Variants in SLC60A2 observed in about 807,000 individuals in gnomAD.
SLC60A2 encodes the protein major facilitator superfamily domain containing 4B.
chr6:111,262,433 A>C, the SLC60A2 span: 1 of 1,607,422 alleles, frequency 6.2e-7, no homozygotes, highest in Non-Finnish European at 8.5e-7. Context: ...TGGGTAAGTA[A>C]ATGCTAATTT....
At chr6:111,271,342 A>G in the SLC60A2 span, among the ~76,000 whole-genome samples, 15 of 152,158 alleles carry the variant, frequency 9.9e-5, no homozygotes, top group Admixed American at 8.5e-4. Flanking sequence ...ACTTTTTATT[A>G]TAAAAACAAT....
the SLC60A2 span, chr6:111,268,113 C>CCCT: frequency 6.6e-6 from 1 of 152,160 alleles, no homozygotes; most frequent in African/African-American, 2.4e-5. Flanking sequence ...GAAATTAGTA[C>CCCT]AAGTGACAGC....
chr6:111,265,865 T>A, the SLC60A2 span: 1 of 1,566,490 alleles, frequency 6.4e-7, no homozygotes, highest in East Asian at 2.3e-5. Flanking sequence ...TTTCCCATCT[T>A]TCATCGACAG....
chr6:111,265,877 T>G, the SLC60A2 span: 1 of 1,590,286 alleles, frequency 6.3e-7, no homozygotes. Context: ...CATCGACAGG[T>G]GGTAACGTCC....
the SLC60A2 span, chr6:111,266,939 G>T: frequency 6.8e-6 from 11 of 1,614,012 alleles, no homozygotes; most frequent in Admixed American, 1.8e-4. Flanking sequence ...TGATTGAAAC[G>T]AATGATACAA....
the SLC60A2 span, chr6:111,270,222 A>AAC: frequency 2.0e-5 from 3 of 152,166 alleles, no homozygotes; most frequent in African/African-American, 7.2e-5. Context: ...TTATGGGAAT[A>AAC]ACATCCCATC....
the SLC60A2 span, among the ~76,000 whole-genome samples, chr6:111,260,453 A>G: frequency 6.6e-6 from 1 of 152,252 alleles, no homozygotes; most frequent in Non-Finnish European, 1.5e-5. Flanking sequence ...GTTAAGTGAT[A>G]GAGCCAGAAA....
At chr6:111,278,159 G>C in the SLC60A2 span, 3 of 152,178 alleles carry the variant, frequency 2.0e-5, no homozygotes, top group African/African-American at 7.2e-5. Context: ...AATAAAAAAC[G>C]TAAGTATTTG....
At chr6:111,259,469 C>T in the SLC60A2 span, 2 of 469,032 alleles carry the variant, frequency 4.3e-6, no homozygotes, top group Admixed American at 4.1e-5. Context: ...GGCCAGTGCT[C>T]TTCTCGGAGC....
the SLC60A2 span, chr6:111,268,415 T>C: frequency 6.6e-6 from 1 of 152,246 alleles, no homozygotes; most frequent in Admixed American, 6.5e-5. Flanking sequence ...TATAAAATAA[T>C]GTGTTTTACA....
At chr6:111,273,066 G>A in the SLC60A2 span, among the ~76,000 whole-genome samples, 1 of 152,180 alleles carries the variant, frequency 6.6e-6, no homozygotes, top group African/African-American at 2.4e-5. Flanking sequence ...CCCGACCTCA[G>A]GTGATCCACT....
the SLC60A2 span, among the ~76,000 whole-genome samples, chr6:111,261,598 AATTT>A: frequency 2.2e-3 from 329 of 152,070 alleles, 1 homozygote; most frequent in African/African-American, 7.5e-3. Context: ...TTAATTAATT[AATTT>A]ATTCTTTCTG....
the SLC60A2 span, chr6:111,265,908 G>A: frequency 3.1e-6 from 5 of 1,613,018 alleles, no homozygotes; most frequent in Non-Finnish European, 3.4e-6. Context: ...TATTTGGGGG[G>A]ACAAAGGAGC....
the SLC60A2 span, among the ~76,000 whole-genome samples, chr6:111,277,523 A>G: frequency 1.3e-5 from 2 of 152,218 alleles, no homozygotes; most frequent in Non-Finnish European, 2.9e-5. Flanking sequence ...TACCATGTTC[A>G]GTAACCAGGG....
the SLC60A2 span, chr6:111,259,623 G>T: frequency 6.8e-7 from 1 of 1,477,746 alleles, no homozygotes. Flanking sequence ...GGCGGAGAAT[G>T]AGCCGGAGCC....
the SLC60A2 span, chr6:111,265,095 C>T: frequency 1.2e-5 from 2 of 169,686 alleles, no homozygotes; most frequent in Non-Finnish European, 2.4e-5. Context: ...AAACAGAAAA[C>T]CTACTAAATA....
At chr6:111,277,457 AG>A in the SLC60A2 span, among the ~76,000 whole-genome samples, 4 of 152,352 alleles carry the variant, frequency 2.6e-5, no homozygotes, top group Non-Finnish European at 5.9e-5. Context: ...TGTGCGGACC[AG>A]AAAGTTTTCC....
At chr6:111,265,266 TG>T in the SLC60A2 span, 2 of 978,334 alleles carry the variant, frequency 2.0e-6, no homozygotes, top group Non-Finnish European at 2.4e-6. Context: ...AAATATCTGT[TG>T]AAAAAAAAGA....
the SLC60A2 span, among the ~76,000 whole-genome samples, chr6:111,275,922 A>G: frequency 6.6e-6 from 1 of 152,186 alleles, no homozygotes; most frequent in African/African-American, 2.4e-5. Flanking sequence ...GCTGTTAAAC[A>G]GTAACTGCCA....
Sources: allele counts gnomAD v4.1 joint callset (sites outside exome capture counted in the v4.1 genomes callset), GRCh38; gene constraint gnomAD v4.1.1; transcripts MANE v1.5; gene names NCBI Gene and HGNC (gene_info 2026-07-23, HGNC 2026-07-21).